Variants in CYSLTR2 observed in about 807,000 individuals in gnomAD.
CYSLTR2 encodes the protein G-protein coupled receptor GPCR21.
For missense variants in CYSLTR2, 398 were observed against 411.9 expected (o/e 0.97, Z 0.29); for synonymous variants, 179 against 160.8 (o/e 1.11, Z -0.86).
chr13:48,693,496 G>A lies in CYSLTR2; in HGVS notation c.-117G>A, dbSNP rs966956927. On this transcript the variant is annotated 5_prime_UTR_variant, in exon 3 of 5. It removes an upstream start codon present in the reference 5' UTR. Coordinates refer to ENST00000682523, the MANE Select transcript of CYSLTR2 (RefSeq NM_001308476.3). Reference sequence around the variant, plus strand: ...TTGAATGTGCACACAAAAAGTGAATGGGTCATTTGATAAGGTAACGATTAA... The same window carrying A: ...TTGAATGTGCACACAAAAAGTGAATAGGTCATTTGATAAGGTAACGATTAA... 1 of 151,820 alleles carries A rather than the reference G, an allele frequency of 6.6e-6. No homozygotes were observed. 9.4% of individuals were successfully genotyped at this position (151,820 alleles called of 1,614,324 possible). A position where few individuals can be genotyped will look rare whatever the true frequency, so the allele number is the denominator to read the frequency against.
At chr13:48,661,898 A>G (rs937819402) in intron 1 of CYSLTR2, among the ~76,000 whole-genome samples, 1 of 152,160 alleles carries the variant, frequency 6.6e-6, no homozygotes, top group Non-Finnish European at 1.5e-5. Context: ...ACTATTTAAT[A>G]CATTATTGTT....
Position 48,707,627 on chromosome 13 carries a change from C to T in CYSLTR2, c.810C>T (p.His270=), listed in dbSNP as rs150160388. ...CCTATCACACACTGAGGACCGTCCA[C>T]TTGACGACATGGAAAGTGGGTTTAT... ...FLPYHTLRTV[H]LTTWKVGLCK... Residue 270 remains histidine (H), a synonymous_variant, in exon 5 of 5, where the codon CAC becomes CAT. Transcript: ENST00000682523. The T allele has an allele frequency of 3.9e-3, 6,223 of 1,613,476 alleles. 81 individuals are homozygous for T. The highest frequency in any genetic ancestry group is 0.023 in the South Asian group (2,079 of 91,088).
At chr13:48,665,670 G>A (rs572812692) in intron 1 of CYSLTR2, among the ~76,000 whole-genome samples, 14 of 151,336 alleles carry the variant, frequency 9.3e-5, no homozygotes, top group South Asian at 4.2e-4. Context: ...ATCTTTTTTC[G>A]TCCCTTCACA....
At chr13:48,691,389 A>C (rs937583612) in intron 2 of CYSLTR2, 88 bp downstream of exon 2, 1 of 152,060 alleles carries the variant, frequency 6.6e-6, no homozygotes, top group African/African-American at 2.4e-5. Flanking sequence ...GTGATATTTG[A>C]AGGGAAACCA....
At chr13:48,694,569 G>C (rs1184733239) in intron 3 of CYSLTR2, 2 of 152,194 alleles carry the variant, frequency 1.3e-5, no homozygotes, top group Non-Finnish European at 2.9e-5. Context: ...GCCATGAACA[G>C]GGTCCCACAT....
chr13:48,697,223 C>T (rs1266424977), intron 4 of CYSLTR2, among the ~76,000 whole-genome samples: 3 of 152,154 alleles, frequency 2.0e-5, no homozygotes, highest in African/African-American at 7.2e-5. Flanking sequence ...CAAGTGGGTC[C>T]CTGACCCCCG....
intron 4 of CYSLTR2, among the ~76,000 whole-genome samples, chr13:48,698,218 G>A (rs1954247597): frequency 6.6e-6 from 1 of 152,114 alleles, no homozygotes; most frequent in South Asian, 2.1e-4. Context: ...ACACATAATT[G>A]TCAGATTCAC....
chr13:48,691,701 C>A (rs1379837984), intron 2 of CYSLTR2, among the ~76,000 whole-genome samples: 1 of 151,996 alleles, frequency 6.6e-6, no homozygotes, highest in African/African-American at 2.4e-5. Context: ...AGTGGGGTTG[C>A]TAATCGAGAA....
intron 1 of CYSLTR2, among the ~76,000 whole-genome samples, chr13:48,667,623 T>C (rs1157131401): frequency 1.3e-5 from 2 of 152,128 alleles, no homozygotes; most frequent in Admixed American, 6.5e-5. Context: ...CTAAGACTGG[T>C]TTGCTGGGCA....
chr13:48,677,423 A>G (rs1953626616), intron 1 of CYSLTR2, among the ~76,000 whole-genome samples: 1 of 152,164 alleles, frequency 6.6e-6, no homozygotes, highest in Non-Finnish European at 1.5e-5. Flanking sequence ...TCAGTTGGTC[A>G]CAGAGTTTGG....
chr13:48,654,251 TTGTGTGTGTG>T (rs372575519), intron 1 of CYSLTR2, among the ~76,000 whole-genome samples: 6,303 of 129,076 alleles, frequency 0.049, 137 homozygotes, highest in Middle Eastern at 0.098. Flanking sequence ...GATCGTCCCT[TTGTGTGTGTG>T]TGTGTGTGTG....
chr13:48,659,323 C>G (rs1953072475), intron 1 of CYSLTR2, among the ~76,000 whole-genome samples: 1 of 152,174 alleles, frequency 6.6e-6, no homozygotes, highest in Non-Finnish European at 1.5e-5. Context: ...CTGGGGTCCT[C>G]TCAATAACTC....
At chr13:48,693,184 T>A (rs1468312448) in intron 2 of CYSLTR2, among the ~76,000 whole-genome samples, 1 of 151,856 alleles carries the variant, frequency 6.6e-6, no homozygotes, top group Non-Finnish European at 1.5e-5. Flanking sequence ...CTCATACAAC[T>A]AATGTAGAAA....
chr13:48,704,345 A>G (rs1487457989), intron 4 of CYSLTR2, among the ~76,000 whole-genome samples: 1 of 152,176 alleles, frequency 6.6e-6, no homozygotes, highest in Non-Finnish European at 1.5e-5. Context: ...CAACATGGAG[A>G]TACAGCATCT....
chr13:48,680,795 CTTTTCTTTTTT>C (rs200840166), intron 1 of CYSLTR2, among the ~76,000 whole-genome samples: 25,488 of 110,054 alleles, frequency 0.23, 2,398 homozygotes, highest in East Asian at 0.35. Context: ...CTTTTCTTTT[CTTTTCTTTTTT>C]TTTTTTTTTT....
chr13:48,676,016 C>T (rs1235205936), intron 1 of CYSLTR2, among the ~76,000 whole-genome samples: 4 of 152,206 alleles, frequency 2.6e-5, no homozygotes, highest in Non-Finnish European at 5.9e-5. Flanking sequence ...AGCTGGGTAC[C>T]TCAGTTGGAA....
chr13:48,666,589 C>G (rs1019765610), intron 1 of CYSLTR2, among the ~76,000 whole-genome samples: 43 of 152,000 alleles, frequency 2.8e-4, no homozygotes, highest in African/African-American at 9.7e-4. Context: ...TTTTTTCGTT[C>G]TCTTTTATGC....
In CYSLTR2 at chr13:48,707,303, A is replaced by G; in HGVS notation, c.486A>G (p.Ile162Met). ...IRSAWILCGI[I>M]WILIMASSIM... The stretch of plus-strand genomic sequence containing the variant: ...GTGCCTGGATCCTCTGTGGGATCAT[A>G]TGGATCCTTATCATGGCTTCCTCAA... The change falls in exon 5 of 5, where the codon ATA becomes ATG. Residue 162 changes from isoleucine (I) to methionine (M), a missense_variant. Transcript: ENST00000682523. 6.2e-7 allele frequency: 1 copy of G among 1,614,020 alleles called. No individual in the cohort carries two copies. Among genetic ancestry groups the G allele is most frequent in the Non-Finnish European group, 8.5e-7 (1 of 1,180,034 alleles).
At position 48,708,047 on chromosome 13, in the gene CYSLTR2, A is replaced by G. The variant is rs201965961; in HGVS notation, c.*189A>G. On this transcript the variant is annotated 3_prime_UTR_variant, in exon 5 of 5. Transcript: ENST00000682523. ...GTGTATTTTCAGTTGTTGAGTCTTAATGAGGGATACAGGAGGAAAAATCCC... is the reference window on the plus strand; with the variant it reads ...GTGTATTTTCAGTTGTTGAGTCTTAGTGAGGGATACAGGAGGAAAAATCCC... 5.3e-5 allele frequency: 26 copies of G among 494,240 alleles called. No individual in the cohort carries two copies. The highest frequency in any genetic ancestry group is 2.6e-4 in the South Asian group (4 of 15,300). 30.6% of individuals were successfully genotyped at this position (494,240 alleles called of 1,614,324 possible).
Sources: gnomAD v4.1 joint callset for allele counts (sites outside exome capture counted in the v4.1 genomes callset) on GRCh38, gnomAD v4.1.1 for gene constraint, MANE v1.5 for transcripts, NCBI Gene and HGNC (gene_info 2026-07-23, HGNC 2026-07-21) for gene names.